Variants in MXRA7 observed in about 807,000 individuals in gnomAD.
MXRA7 encodes the protein matrix-remodeling-associated protein 7.
In MXRA7, 18 loss-of-function variants were observed where a neutral mutation model predicts 17.4. The observed-to-expected ratio is 1.03, with a 90% CI of 0.71 to 1.53. The LOEUF is 1.53. Among genes scored for constraint, MXRA7 ranks in the 40% most tolerant of loss-of-function variants. The pLI is 0.00. For missense variants in MXRA7, 141 were observed against 209.3 expected (o/e 0.67, Z 2.01); for synonymous variants, 70 against 101.7 (o/e 0.69, Z 1.87).
intron 1 of MXRA7, 66 bp downstream of exon 1, chr17:76,710,539 G>GGGGAAC: frequency 8.3e-7 from 1 of 1,198,112 alleles, no homozygotes; most frequent in Non-Finnish European, 1.0e-6. Flanking sequence ...CTGGCTCGGC[G>GGGGAAC]GGGAACGGCA....
intron 1 of MXRA7, among the ~76,000 whole-genome samples, chr17:76,704,659 A>C (rs12939101): frequency 0.46 from 69,198 of 150,510 alleles, 15,891 homozygotes; most frequent in Admixed American, 0.48. Context: ...GTGGTGCATG[A>C]CTGTAATCCC....
At chr17:76,685,564 C>G (rs114433081) in intron 2 of MXRA7, among the ~76,000 whole-genome samples, 2,869 of 152,292 alleles carry the variant, frequency 0.019, 100 homozygotes, top group African/African-American at 0.065. Context: ...CTTGTGTCAT[C>G]CCCCCACCCC....
At chr17:76,690,362 T>G (rs751835973) in intron 1 of MXRA7, 1 of 151,982 alleles carries the variant, frequency 6.6e-6, no homozygotes, top group Non-Finnish European at 1.5e-5. Context: ...GACAGTCAGA[T>G]CCAAAGACCC....
chr17:76,683,356 A>T (rs560698198), intron 3 of MXRA7, among the ~76,000 whole-genome samples: 1 of 152,230 alleles, frequency 6.6e-6, no homozygotes, highest in Non-Finnish European at 1.5e-5. Context: ...CAGGTGGGGG[A>T]TCAGATGTGG....
chr17:76,705,626 A>G (rs1264191726), intron 1 of MXRA7, among the ~76,000 whole-genome samples: 1 of 152,102 alleles, frequency 6.6e-6, no homozygotes, highest in African/African-American at 2.4e-5. Flanking sequence ...CGAGGTCACG[A>G]TGGTGGAGTC....
downstream of MXRA7, chr17:76,674,637 T>C (rs757097369): frequency 6.6e-6 from 1 of 152,350 alleles, no homozygotes; most frequent in Non-Finnish European, 1.5e-5. Flanking sequence ...TGCTCCCTTT[T>C]ATCACAGATC....
chr17:76,684,039 C>A (rs984971910), intron 3 of MXRA7: 21 of 833,938 alleles, frequency 2.5e-5, no homozygotes, highest in Non-Finnish European at 3.3e-5. Context: ...ACACTGCCCG[C>A]CCCCCACCCA....
intron 1 of MXRA7, among the ~76,000 whole-genome samples, chr17:76,704,327 T>A (rs1319591433): frequency 1.4e-5 from 2 of 143,292 alleles, no homozygotes; most frequent in Non-Finnish European, 3.0e-5. Flanking sequence ...TGCCTCAGCC[T>A]CTCGAGTAGC....
At chr17:76,687,605 C>T (rs1161200616) in intron 2 of MXRA7, among the ~76,000 whole-genome samples, 1 of 152,202 alleles carries the variant, frequency 6.6e-6, no homozygotes, top group Non-Finnish European at 1.5e-5. Context: ...GGCAGTGTCT[C>T]CCCTGTTCTC....
At chr17:76,677,905 C>T (rs1231848646), downstream of MXRA7, among the ~76,000 whole-genome samples, 1 of 152,152 alleles carries the variant, frequency 6.6e-6, no homozygotes, top group Non-Finnish European at 1.5e-5. Flanking sequence ...TTTGAGGGCT[C>T]TAAAAACTGG....
intron 2 of MXRA7, among the ~76,000 whole-genome samples, chr17:76,686,836 A>G (rs1015251230): frequency 2.0e-5 from 3 of 152,064 alleles, no homozygotes; most frequent in African/African-American, 7.2e-5. Context: ...AGCTGGAGCC[A>G]TAAACCTTTC....
exon 4 of MXRA7, chr17:76,672,876 A>T (rs1450006008): frequency 2.0e-5 from 3 of 152,202 alleles, no homozygotes; most frequent in South Asian, 4.1e-4. Flanking sequence ...GTTCCACCAA[A>T]AGAAAAATAA....
intron 3 of MXRA7, among the ~76,000 whole-genome samples, chr17:76,684,252 T>G (rs569534964): frequency 6.6e-6 from 1 of 152,186 alleles, no homozygotes; most frequent in Admixed American, 6.5e-5. Flanking sequence ...AGACCGCTGG[T>G]TTCTGCTGAC....
intron 1 of MXRA7, among the ~76,000 whole-genome samples, chr17:76,698,235 G>T (rs754129535): frequency 6.6e-6 from 1 of 152,218 alleles, no homozygotes; most frequent in Admixed American, 6.5e-5. Flanking sequence ...AGGCGACAAG[G>T]GGCCTGCCCA....
intron 3 of MXRA7, 50 bp downstream of exon 3, chr17:76,685,022 C>T: frequency 6.7e-7 from 1 of 1,494,526 alleles, no homozygotes; most frequent in South Asian, 1.1e-5. Flanking sequence ...AGAGGGGCAC[C>T]CCCCTCCCCC....
At chr17:76,705,212 C>A (rs1187037210) in intron 1 of MXRA7, among the ~76,000 whole-genome samples, 1 of 152,110 alleles carries the variant, frequency 6.6e-6, no homozygotes, top group East Asian at 1.9e-4. Context: ...TCTGAAAGAA[C>A]AAAGTTTATC....
chr17:76,701,259 G>A (rs2076587829), intron 1 of MXRA7, among the ~76,000 whole-genome samples: 1 of 152,112 alleles, frequency 6.6e-6, no homozygotes. Flanking sequence ...ACACTCTGGA[G>A]AGAGGTGACC....
chr17:76,685,833 G>A (rs1016929542), intron 2 of MXRA7, among the ~76,000 whole-genome samples: 18 of 152,196 alleles, frequency 1.2e-4, no homozygotes, highest in African/African-American at 3.6e-4. Flanking sequence ...CACAGGCTCC[G>A]GGCACATGAG....
chr17:76,709,621 CT>C (rs1326002236), intron 1 of MXRA7: 4 of 153,258 alleles, frequency 2.6e-5, no homozygotes, highest in Non-Finnish European at 5.8e-5. Flanking sequence ...CGCAGGCACG[CT>C]GACAATGCGC....
Sources: allele counts gnomAD v4.1 joint callset (sites outside exome capture counted in the v4.1 genomes callset), GRCh38; gene constraint gnomAD v4.1.1; transcripts MANE v1.5; gene names NCBI Gene and HGNC (gene_info 2026-07-23, HGNC 2026-07-21).